Variants in SULT1B1 observed in about 807,000 individuals in gnomAD.
The protein encoded by SULT1B1 is sulfotransferase family 1B member 1, also known as sulfotransferase 1B1.
In SULT1B1, 28 loss-of-function variants were observed where a neutral mutation model predicts 34.6. That is an observed-to-expected ratio of 0.81 (90% CI 0.60 to 1.11). The LOEUF is 1.11. SULT1B1 is among the 50% of genes least tolerant of loss of function. The pLI is 0.00. For synonymous variants in SULT1B1, 147 were observed against 110.2 expected (o/e 1.33, Z -2.09); for missense variants, 374 against 352.2 (o/e 1.06, Z -0.50).
chr4:69,753,740 G>A (rs1719076656), intron 3 of SULT1B1, among the ~76,000 whole-genome samples: 1 of 152,136 alleles, frequency 6.6e-6, no homozygotes, highest in South Asian at 2.1e-4. Flanking sequence ...TTTTAAGTTT[G>A]GCTTAAAGGT....
At chr4:69,734,049 A>G (rs900301957) in intron 5 of SULT1B1, 89 bp downstream of exon 5, 10 of 1,128,198 alleles carry the variant, frequency 8.9e-6, no homozygotes, top group Non-Finnish European at 1.2e-5. Flanking sequence ...AGATTGGAAA[A>G]ATAAGTATTT....
intron 4 of SULT1B1, 61 bp from the exon 5 acceptor site, chr4:69,734,325 AAATT>A: frequency 1.3e-6 from 2 of 1,557,412 alleles, no homozygotes; most frequent in South Asian, 1.2e-5. Flanking sequence ...GTTTAGGAAA[AAATT>A]AACCTATACG....
intron 7 of SULT1B1, among the ~76,000 whole-genome samples, chr4:69,729,494 A>G (rs1261771601): frequency 6.6e-6 from 1 of 152,096 alleles, no homozygotes; most frequent in Non-Finnish European, 1.5e-5. Flanking sequence ...GCTCAAACTT[A>G]TAATGCATAC....
intron 4 of SULT1B1, among the ~76,000 whole-genome samples, chr4:69,743,748 C>T (rs1304995789): frequency 6.6e-6 from 1 of 152,182 alleles, no homozygotes; most frequent in African/African-American, 2.4e-5. Flanking sequence ...GTGCACACAT[C>T]CAACTGGGCT....
In SULT1B1 at chr4:69,726,072, AT is replaced by A. The variant is rs1390614044; in HGVS notation, c.*1015del. On this transcript the variant is annotated 3_prime_UTR_variant, in exon 8 of 8. Coordinates refer to ENST00000310613, the MANE Select transcript of SULT1B1 (RefSeq NM_014465.4). ...TATATATATATATATATATATATAT[AT>A]ATATATATAAATGTTCCAAGAAAAC... 7 of 124,448 alleles carry A rather than the reference AT, an allele frequency of 5.6e-5. No homozygotes were observed. The highest frequency in any genetic ancestry group is 2.2e-4 in the African/African-American group (7 of 32,394). 7.7% of individuals were successfully genotyped at this position (124,448 alleles called of 1,614,324 possible). A position where few individuals can be genotyped will look rare whatever the true frequency, so the allele number is the denominator to read the frequency against.
chr4:69,741,794 A>C (rs1718561633), intron 4 of SULT1B1, among the ~76,000 whole-genome samples: 1 of 151,726 alleles, frequency 6.6e-6, no homozygotes, highest in Non-Finnish European at 1.5e-5. Flanking sequence ...GAAACTGTGG[A>C]GTTTTCTAGC....
chr4:69,760,297 T>G, intron 1 of SULT1B1, 162 bp downstream of exon 1: 1 of 775,838 alleles, frequency 1.3e-6, no homozygotes, highest in South Asian at 5.9e-5. Context: ...TGAGAGATTT[T>G]AGACAGCATA....
At chr4:69,732,698 A>C (rs1718130046) in intron 6 of SULT1B1, among the ~76,000 whole-genome samples, 1 of 151,060 alleles carries the variant, frequency 6.6e-6, no homozygotes, top group Non-Finnish European at 1.5e-5. Context: ...TGGCATGAAA[A>C]TTTGTAGTTG....
intron 1 of SULT1B1, among the ~76,000 whole-genome samples, chr4:69,755,841 T>C (rs1719168757): frequency 6.6e-6 from 1 of 152,156 alleles, no homozygotes; most frequent in African/African-American, 2.4e-5. Flanking sequence ...TCCATCAAAT[T>C]TGGATAATTT....
At position 69,724,310 on chromosome 4, in the gene SULT1B1, A is replaced by G. The variant is rs2110013773; in HGVS notation, c.*2778T>C. On this transcript the variant is annotated 3_prime_UTR_variant, in exon 8 of 8. Coordinates refer to ENST00000310613, the MANE Select transcript of SULT1B1 (RefSeq NM_014465.4). ...AATAAAATACCTAGGAATCCAACTT[A>G]CAAGGGATGTGAAGGATCACTTCAA... 1 of 152,392 alleles carries G rather than the reference A, an allele frequency of 6.6e-6. No homozygotes were observed. The allele number at this position is 152,392 out of a possible 1,614,324, so 9.4% of individuals were successfully genotyped here.
chr4:69,754,913 T>C, intron 2 of SULT1B1, 115 bp from the exon 3 acceptor site: 1 of 1,334,122 alleles, frequency 7.5e-7, no homozygotes, highest in African/African-American at 1.5e-5. Flanking sequence ...TAATTCCCCT[T>C]TCTATGCACC....
chr4:69,734,279 G>T lies in SULT1B1; in HGVS notation c.376-15C>A. The T allele has an allele frequency of 6.2e-7, 1 of 1,602,058 alleles. No individual in the cohort carries two copies. Among genetic ancestry groups the T allele is most frequent in the Admixed American group, 1.7e-5 (1 of 57,998 alleles). ...AGATAAATCATCTGCAGTGGGGGGT[G>T]GGGGTAGGAGAAAAAAATAAGATAA... On this transcript the variant is annotated splice_polypyrimidine_tract_variant and intron_variant, in intron 4 of 7. Transcript: ENST00000310613.
intron 3 of SULT1B1, 38 bp downstream of exon 3, chr4:69,754,632 A>T: frequency 6.3e-7 from 1 of 1,597,850 alleles, no homozygotes; most frequent in Admixed American, 1.7e-5. Context: ...TGTCTAAATA[A>T]TATTACAAAA....
chr4:69,756,570 T>C (rs2110033149), intron 1 of SULT1B1, among the ~76,000 whole-genome samples: 1 of 152,286 alleles, frequency 6.6e-6, no homozygotes, highest in South Asian at 2.1e-4. Context: ...CCTAATTGCC[T>C]TTGAGCTTTA....
At chr4:69,759,206 A>G (rs1719305277) in intron 1 of SULT1B1, among the ~76,000 whole-genome samples, 1 of 152,242 alleles carries the variant, frequency 6.6e-6, no homozygotes, top group African/African-American at 2.4e-5. Flanking sequence ...ATTAGGAAAC[A>G]GATCTTCAGA....
chr4:69,744,425 AG>A lies in SULT1B1; in HGVS notation c.375+5295del, dbSNP rs897463349. On this transcript the variant is annotated intron_variant, in intron 4 of 7. Coordinates refer to ENST00000310613, the MANE Select transcript of SULT1B1 (RefSeq NM_014465.4). ...AGGCTGCTATGGGGTCATGGGGCACAGGGGTCCCACTGCCGCCTTTGCTGTT... is the reference window on the plus strand; with the variant it reads ...AGGCTGCTATGGGGTCATGGGGCACAGGGTCCCACTGCCGCCTTTGCTGTT... 1.2e-3 allele frequency among the ~76,000 whole-genome samples: 188 copies of A among 152,260 alleles called. 1 individual carries two copies. The highest frequency in any genetic ancestry group is 4.2e-3 in the African/African-American group (173 of 41,558).
At chr4:69,727,698 A>T (rs1022925289) in intron 7 of SULT1B1, among the ~76,000 whole-genome samples, 2 of 152,054 alleles carry the variant, frequency 1.3e-5, no homozygotes, top group Non-Finnish European at 2.9e-5. Context: ...TATGATATGG[A>T]GATGACAGTT....
At chr4:69,730,424 A>C in intron 7 of SULT1B1, 77 bp downstream of exon 7, 1 of 1,342,454 alleles carries the variant, frequency 7.4e-7, no homozygotes, top group South Asian at 1.5e-5. Context: ...CTTAGTAGAG[A>C]TCACAGAACT....
At chr4:69,758,631 T>G (rs1719280046) in intron 1 of SULT1B1, 1 of 226,090 alleles carries the variant, frequency 4.4e-6, no homozygotes, top group Admixed American at 6.5e-5. Context: ...ACTCCTATAA[T>G]GCACACATAT....
Sources: gnomAD v4.1 joint callset for allele counts (sites outside exome capture counted in the v4.1 genomes callset) on GRCh38, gnomAD v4.1.1 for gene constraint, MANE v1.5 for transcripts, NCBI Gene and HGNC (gene_info 2026-07-23, HGNC 2026-07-21) for gene names.